ASIC2: variants seen among roughly 807,000 people sequenced by gnomAD.
ASIC2 encodes acid-sensing ion channel 2.
In ASIC2, 25 loss-of-function variants were observed where a neutral mutation model predicts 57.3. The observed-to-expected ratio is 0.44, with a 90% CI of 0.32 to 0.61. The LOEUF (loss-of-function observed/expected upper bound fraction) is 0.61, where lower values mean the gene tolerates loss of function less well. ASIC2 is among the 20% of genes least tolerant of loss of function. The probability of loss-of-function intolerance (pLI) is 0.06; values close to 1 mark genes in which losing one functional copy is unlikely to be tolerated. For synonymous variants in ASIC2, 319 were observed against 307.5 expected (o/e 1.04, Z -0.39); for missense variants, 641 against 738.1 (o/e 0.87, Z 1.52).
chr17:33,776,612 G>GCC (rs956476968), intron 1 of ASIC2, among the ~76,000 whole-genome samples: 2 of 152,166 alleles, frequency 1.3e-5, no homozygotes, highest in African/African-American at 4.8e-5. Context: ...CCCACACCTG[G>GCC]CCCTCTGTGA....
In ASIC2 at chr17:33,293,159, G is replaced by T. The variant is rs984060393; in HGVS notation, c.-1044C>A. Among the ~76,000 whole-genome samples, 11 of 152,224 alleles carry T rather than the reference G, an allele frequency of 7.2e-5. No homozygotes were observed. The highest frequency in any genetic ancestry group is 1.5e-4 in the Non-Finnish European group (10 of 68,038). On this transcript the variant is annotated 5_prime_UTR_variant, in exon 1 of 10. Coordinates refer to ENST00000225823, the MANE Select transcript of ASIC2 (RefSeq NM_183377.2). The stretch of plus-strand genomic sequence containing the variant: ...GAGACTCCGAGCTCGCGGTGGCCGT[G>T]ACGCCGGCTAAGCTCCTTCCCCGGT...
At chr17:33,288,357 C>T (rs141321410) in intron 1 of ASIC2, among the ~76,000 whole-genome samples, 53 of 152,060 alleles carry the variant, frequency 3.5e-4, no homozygotes, top group African/African-American at 1.2e-3. Context: ...ACAGCAGCAG[C>T]GGAAACCAAA....
chr17:34,005,983 G>A (rs1373382244), intron 1 of ASIC2: 2 of 152,218 alleles, frequency 1.3e-5, no homozygotes, highest in Admixed American at 6.5e-5. Context: ...TTAGGCACCG[G>A]ATCCATTGGG....
intron 1 of ASIC2, among the ~76,000 whole-genome samples, chr17:33,606,290 C>CT (rs1166369518): frequency 6.6e-6 from 1 of 152,168 alleles, no homozygotes; most frequent in African/African-American, 2.4e-5. Flanking sequence ...CTATTGAACT[C>CT]TTTTTAGACC....
intron 1 of ASIC2, among the ~76,000 whole-genome samples, chr17:33,499,812 G>C (rs1914047884): frequency 6.6e-6 from 1 of 152,190 alleles, no homozygotes; most frequent in Non-Finnish European, 1.5e-5. Context: ...GCCACCATAA[G>C]GGCAAGCCTT....
chr17:33,731,859 C>A (rs769921062), intron 1 of ASIC2, among the ~76,000 whole-genome samples: 5 of 152,028 alleles, frequency 3.3e-5, no homozygotes, highest in Non-Finnish European at 5.9e-5. Context: ...TCAGAACAGC[C>A]TATAAAACAA....
intron 1 of ASIC2, among the ~76,000 whole-genome samples, chr17:33,399,505 G>A (rs1478399338): frequency 1.3e-5 from 2 of 152,094 alleles, no homozygotes; most frequent in African/African-American, 4.8e-5. Context: ...CTTGGGTGGT[G>A]TTGGGAACAA....
chr17:33,261,876 A>T (rs2142145664), intron 1 of ASIC2, among the ~76,000 whole-genome samples: 1 of 152,236 alleles, frequency 6.6e-6, no homozygotes, highest in Non-Finnish European at 1.5e-5. Context: ...ATCCCAGAGG[A>T]GGCCAGCTGG....
intron 1 of ASIC2, among the ~76,000 whole-genome samples, chr17:34,056,325 T>TTCTGC (rs1908764224): frequency 6.6e-6 from 1 of 152,174 alleles, no homozygotes. Flanking sequence ...GGCACACAGC[T>TTCTGC]TCTGCACTGC....
At chr17:33,082,701 A>AAAAT (rs34712140) in intron 3 of ASIC2, among the ~76,000 whole-genome samples, 70,990 of 139,298 alleles carry the variant, frequency 0.51, 18,478 homozygotes, top group East Asian at 0.71. Flanking sequence ...TCTGTCTCCA[A>AAAAT]AAATAAATAA....
chr17:34,122,926 C>A (rs567502728), intron 1 of ASIC2, among the ~76,000 whole-genome samples: 1 of 152,198 alleles, frequency 6.6e-6, no homozygotes, highest in African/African-American at 2.4e-5. Flanking sequence ...TAAAGAATAT[C>A]GTCAAGTAAT....
intron 1 of ASIC2, among the ~76,000 whole-genome samples, chr17:33,885,854 G>A (rs1914816766): frequency 6.6e-6 from 1 of 152,170 alleles, no homozygotes; most frequent in Admixed American, 6.5e-5. Context: ...ACTGAAGTCA[G>A]TATTCAGATG....
At chr17:33,493,098 A>G (rs1913811566) in intron 1 of ASIC2, among the ~76,000 whole-genome samples, 1 of 152,246 alleles carries the variant, frequency 6.6e-6, no homozygotes, top group African/African-American at 2.4e-5. Flanking sequence ...CACTTGAAGC[A>G]TAAATACAGA....
At chr17:33,869,818 A>T (rs1337533514) in intron 1 of ASIC2, among the ~76,000 whole-genome samples, 3 of 152,242 alleles carry the variant, frequency 2.0e-5, no homozygotes, top group African/African-American at 7.2e-5. Flanking sequence ...ATTGATTGTG[A>T]TAATAGTTGC....
chr17:33,684,771 G>C (rs1908127742), intron 1 of ASIC2, among the ~76,000 whole-genome samples: 1 of 151,572 alleles, frequency 6.6e-6, no homozygotes, highest in East Asian at 1.9e-4. Context: ...TCATATCCAC[G>C]TCTTTTTTTT....
chr17:33,952,399 G>A (rs1033562903), intron 1 of ASIC2, among the ~76,000 whole-genome samples: 1 of 152,162 alleles, frequency 6.6e-6, no homozygotes, highest in African/African-American at 2.4e-5. Context: ...AAGGTACTTC[G>A]CTGAGCTTGT....
chr17:33,061,468 T>C (rs2092020264), intron 3 of ASIC2, among the ~76,000 whole-genome samples: 1 of 152,236 alleles, frequency 6.6e-6, no homozygotes, highest in Non-Finnish European at 1.5e-5. Context: ...TTACGTTTAT[T>C]GATTTGCGTA....
chr17:33,066,851 G>A (rs1346960826), intron 3 of ASIC2, among the ~76,000 whole-genome samples: 2 of 152,210 alleles, frequency 1.3e-5, no homozygotes, highest in Non-Finnish European at 2.9e-5. Context: ...ATATAAAGGT[G>A]AGGAAAATGA....
chr17:33,061,615 A>G (rs2092020956), intron 3 of ASIC2, among the ~76,000 whole-genome samples: 2 of 152,176 alleles, frequency 1.3e-5, no homozygotes, highest in African/African-American at 4.8e-5. Context: ...ATATTGGTCT[A>G]AAATTCTCTT....
Sources: gnomAD v4.1 joint callset for allele counts (sites outside exome capture counted in the v4.1 genomes callset) on GRCh38, gnomAD v4.1.1 for gene constraint, MANE v1.5 for transcripts, NCBI Gene and HGNC (gene_info 2026-07-23, HGNC 2026-07-21) for gene names.